Variants in MAP3K5 observed in about 807,000 individuals in gnomAD.
MAP3K5 encodes ASK-1.
Under a neutral mutation model 158.7 loss-of-function variants are expected in MAP3K5, and 56 were observed. The observed-to-expected ratio is 0.35, with a 90% CI of 0.28 to 0.44. The LOEUF (loss-of-function observed/expected upper bound fraction) is 0.44. Ranked by LOEUF, MAP3K5 falls within the 20% of genes least tolerant of loss-of-function variation. The pLI is 1.00. For missense variants in MAP3K5, 1,294 were observed against 1,674.8 expected, an observed-to-expected ratio of 0.77 and a Z score of 3.97; for synonymous variants, 579 against 601.7, an observed-to-expected ratio of 0.96 and a Z score of 0.55.
At chr6:136,602,306 C>A (rs1433091884) in intron 19 of MAP3K5, among the ~76,000 whole-genome samples, 2 of 151,940 alleles carry the variant, frequency 1.3e-5, no homozygotes, top group African/African-American at 4.8e-5. Context: ...TTCTTTCTTT[C>A]TTTCTTTTTT....
chr6:136,664,845 C>A (rs867593390), intron 8 of MAP3K5, among the ~76,000 whole-genome samples: 8 of 152,154 alleles, frequency 5.3e-5, no homozygotes, highest in African/African-American at 9.7e-5. Context: ...GCATGAGAAT[C>A]GCTTGAACCT....
At chr6:136,577,156 A>G (rs1774656720) in intron 25 of MAP3K5, among the ~76,000 whole-genome samples, 2 of 152,194 alleles carry the variant, frequency 1.3e-5, no homozygotes, top group Admixed American at 6.5e-5. Context: ...GGTTAACTAT[A>G]GTATCTTGCA....
chr6:136,682,086 C>T (rs1176313396), intron 7 of MAP3K5, among the ~76,000 whole-genome samples: 3 of 152,112 alleles, frequency 2.0e-5, no homozygotes, highest in Non-Finnish European at 4.4e-5. Context: ...TGTGTTTTAC[C>T]CAAGTTCCTA....
At chr6:136,753,368 T>C (rs1430730685) in intron 1 of MAP3K5, among the ~76,000 whole-genome samples, 2 of 152,188 alleles carry the variant, frequency 1.3e-5, no homozygotes, top group Non-Finnish European at 2.9e-5. Context: ...ATGGTGTTGA[T>C]GAAAACACCT....
At chr6:136,590,256 C>T (rs1562527852) in intron 23 of MAP3K5, among the ~76,000 whole-genome samples, 1 of 152,140 alleles carries the variant, frequency 6.6e-6, no homozygotes, top group African/African-American at 2.4e-5. Flanking sequence ...CCCAAATAAA[C>T]CTCTTTTCTT....
At chr6:136,678,053 G>A (rs1195438463) in intron 7 of MAP3K5, among the ~76,000 whole-genome samples, 1 of 152,194 alleles carries the variant, frequency 6.6e-6, no homozygotes, top group African/African-American at 2.4e-5. Context: ...CAGTTCTGCT[G>A]GATTCCATAA....
intron 1 of MAP3K5, among the ~76,000 whole-genome samples, chr6:136,780,925 T>C (rs997212965): frequency 3.3e-5 from 5 of 152,220 alleles, no homozygotes; most frequent in Non-Finnish European, 7.3e-5. Flanking sequence ...AGATACACGT[T>C]ATACATCTTT....
At position 136,763,851 on chromosome 6, in the gene MAP3K5, G is replaced by C. The variant is rs570307975; in HGVS notation, c.448+27859C>G. On this transcript the variant is annotated intron_variant, in intron 1 of 29. Coordinates refer to ENST00000359015, the MANE Select transcript of MAP3K5 (RefSeq NM_005923.4). ...TTAATCCATTAACAGGTTATCGCAG[G>C]AGTGGGACTGGTGACTAAAGAGGAA... Among the ~76,000 whole-genome samples, 11 of 152,184 alleles carry C rather than the reference G, an allele frequency of 7.2e-5. No homozygotes were observed. In the East Asian group the frequency reaches 1.9e-3, roughly 27 times the overall value.
chr6:136,694,337 A>G, intron 6 of MAP3K5, 27 bp from the exon 7 acceptor site: 1 of 1,581,270 alleles, frequency 6.3e-7, no homozygotes, highest in South Asian at 1.1e-5. Flanking sequence ...TGTTGTTTCA[A>G]TATACATTAC....
At chr6:136,712,822 G>A (rs1345945464) in intron 2 of MAP3K5, among the ~76,000 whole-genome samples, 1 of 152,174 alleles carries the variant, frequency 6.6e-6, no homozygotes, top group Admixed American at 6.5e-5. Flanking sequence ...CACGAGGTCT[G>A]ATGATTTTAT....
chr6:136,762,703 A>G (rs969292872), intron 1 of MAP3K5, among the ~76,000 whole-genome samples: 1 of 152,218 alleles, frequency 6.6e-6, no homozygotes, highest in Non-Finnish European at 1.5e-5. Flanking sequence ...TGCTTGCTGC[A>G]AGCTCCTCTA....
At chr6:136,645,470 T>C (rs993317586) in intron 11 of MAP3K5, among the ~76,000 whole-genome samples, 1 of 152,110 alleles carries the variant, frequency 6.6e-6, no homozygotes, top group African/African-American at 2.4e-5. Context: ...CTTTGCTTGA[T>C]AATCCGTGAG....
chr6:136,637,379 G>T lies in MAP3K5; in HGVS notation c.1962C>A (p.Thr654=). Residue 654 remains threonine (T), a synonymous_variant, in exon 14 of 30, where the codon ACC becomes ACA. Transcript: ENST00000359015. ...KKFFEMVNTI[T]EEKGRSTEEG... ...CCTCTGTGCTTCTCCCCTTCTCTTC[G>T]GTAATGGTGTTCACCATCTCAAAAA... The T allele has an allele frequency of 6.2e-7, 1 of 1,610,238 alleles. No individual in the cohort carries two copies. Among genetic ancestry groups the T allele is most frequent in the Non-Finnish European group, 8.5e-7 (1 of 1,176,626 alleles).
chr6:136,606,387 G>A (rs1307541466), intron 18 of MAP3K5, among the ~76,000 whole-genome samples: 1 of 152,082 alleles, frequency 6.6e-6, no homozygotes, highest in Non-Finnish European at 1.5e-5. Context: ...CAATGAAAAA[G>A]GGAAGAGCTT....
chr6:136,785,755 C>T (rs1784817370), intron 1 of MAP3K5, among the ~76,000 whole-genome samples: 1 of 152,200 alleles, frequency 6.6e-6, no homozygotes, highest in Admixed American at 6.5e-5. Context: ...CAAGTTGATG[C>T]TTCTCCTACA....
chr6:136,668,337 T>A (rs1319268116), intron 8 of MAP3K5, among the ~76,000 whole-genome samples: 1 of 152,164 alleles, frequency 6.6e-6, no homozygotes, highest in Non-Finnish European at 1.5e-5. Context: ...TGAGCTATGA[T>A]CGCACCACTG....
intron 13 of MAP3K5, 41 bp downstream of exon 13, chr6:136,639,502 G>T: frequency 8.9e-7 from 1 of 1,117,626 alleles, no homozygotes; most frequent in Non-Finnish European, 1.3e-6. Context: ...ATAATGATCA[G>T]GTAAGAAGAA....
intron 2 of MAP3K5, among the ~76,000 whole-genome samples, chr6:136,713,786 G>C (rs1023676211): frequency 2.0e-5 from 3 of 151,964 alleles, no homozygotes; most frequent in Non-Finnish European, 2.9e-5. Flanking sequence ...AGAGTCCCAG[G>C]GTTTTTAAAT....
At chr6:136,766,663 T>C (rs1412793199) in intron 1 of MAP3K5, among the ~76,000 whole-genome samples, 1 of 152,222 alleles carries the variant, frequency 6.6e-6, no homozygotes, top group East Asian at 1.9e-4. Flanking sequence ...AGGTAACATT[T>C]CAGAGAAGGT....
Sources: allele counts gnomAD v4.1 joint callset (sites outside exome capture counted in the v4.1 genomes callset), GRCh38; gene constraint gnomAD v4.1.1; transcripts MANE v1.5; gene names NCBI Gene and HGNC (gene_info 2026-07-23, HGNC 2026-07-21).